Variants in E2F5 observed in about 807,000 individuals in gnomAD.
The protein encoded by E2F5 is transcription factor E2F5.
Under a neutral mutation model 39.1 loss-of-function variants are expected in E2F5, and 23 were observed. The ratio of observed to expected loss-of-function variants is 0.59; its 90% CI spans 0.42 to 0.83. The LOEUF (loss-of-function observed/expected upper bound fraction) is 0.83. Among genes scored for constraint, E2F5 ranks in the 40% least tolerant of loss-of-function variants. The probability of loss-of-function intolerance (pLI) is 0.00; values close to 1 mark genes in which losing one functional copy is unlikely to be tolerated. For missense variants in E2F5, 365 were observed against 406.7 expected (o/e 0.90, Z 0.88); for synonymous variants, 145 against 157.8 (o/e 0.92, Z 0.61).
chr8:85,182,942 A>T (rs1812251305), intron 1 of E2F5, among the ~76,000 whole-genome samples: 1 of 152,166 alleles, frequency 6.6e-6, no homozygotes, highest in East Asian at 1.9e-4. Flanking sequence ...ACATCCTGGG[A>T]TAAATAAATA....
chr8:85,195,294 A>T (rs1812557492), intron 1 of E2F5, among the ~76,000 whole-genome samples: 1 of 151,860 alleles, frequency 6.6e-6, no homozygotes, highest in African/African-American at 2.4e-5. Context: ...GAGGCAGGAG[A>T]ATTGTTTGCA....
chr8:85,204,991 G>A (rs868699328), intron 3 of E2F5, among the ~76,000 whole-genome samples: 1 of 152,174 alleles, frequency 6.6e-6, no homozygotes, highest in African/African-American at 2.4e-5. Context: ...TTTGAGACCA[G>A]CCTGGCCAAC....
At position 85,202,245 on chromosome 8, in the gene E2F5, T is replaced by C; in HGVS notation, c.333T>C (p.Ser111=). 6.2e-7 allele frequency: 1 copy of C among 1,608,090 alleles called. No individual in the cohort carries two copies. The highest frequency in any genetic ancestry group is 1.1e-5 in the South Asian group (1 of 89,782). Reference sequence around the variant, plus strand: ...TGATTGAAAAAAAGTCAAAAAACAGTATCCAGTGGAAGTAAGTTACAAACC... The same window carrying C: ...TGATTGAAAAAAAGTCAAAAAACAGCATCCAGTGGAAGTAAGTTACAAACC... ...IDLIEKKSKN[S]IQWKGVGAGC... Residue 111 remains serine, a synonymous_variant, in exon 2 of 8, where the codon AGT becomes AGC. Transcript: ENST00000416274.
chr8:85,180,522 AT>A (rs1812184891), intron 1 of E2F5, among the ~76,000 whole-genome samples: 1 of 5,660 alleles, frequency 1.8e-4, no homozygotes, highest in South Asian at 3.5e-3. Flanking sequence ...ATATATATAT[AT>A]ATATATATAT....
intron 1 of E2F5, among the ~76,000 whole-genome samples, chr8:85,199,108 G>T (rs1812639484): frequency 6.6e-6 from 1 of 152,000 alleles, no homozygotes; most frequent in African/African-American, 2.4e-5. Flanking sequence ...TCTCCTGCAT[G>T]GATTATTGCC....
chr8:85,181,130 T>G (rs1468670204), intron 1 of E2F5, among the ~76,000 whole-genome samples: 2 of 151,626 alleles, frequency 1.3e-5, no homozygotes, highest in Non-Finnish European at 2.9e-5. Context: ...CTGCCTACCT[T>G]GGTCTCCCCT....
chr8:85,187,237 A>G (rs1210136392), intron 1 of E2F5, among the ~76,000 whole-genome samples: 1 of 152,076 alleles, frequency 6.6e-6, no homozygotes, highest in Admixed American at 6.5e-5. Context: ...ATATAATCTA[A>G]CCTGGAGAAT....
At chr8:85,185,620 A>C (rs2136042238) in intron 1 of E2F5, among the ~76,000 whole-genome samples, 1 of 152,360 alleles carries the variant, frequency 6.6e-6, no homozygotes, top group South Asian at 2.1e-4. Flanking sequence ...CCCATCTGAC[A>C]AAGAGTTCAT....
At position 85,203,217 on chromosome 8, in the gene E2F5, A is replaced by G. The variant is rs770166032; in HGVS notation, c.468A>G (p.Gln156=). The change falls in exon 3 of 8, where the codon CAA becomes CAG. Residue 156 remains glutamine, a synonymous_variant. Coordinates refer to ENST00000416274, the MANE Select transcript of E2F5 (RefSeq NM_001951.4). ...ATCAGCAGAAGTTGTGGCTACAGCA[A>G]AGCATCAAAAATGTGATGGACGATT... ...ELDQQKLWLQ[Q]SIKNVMDDSI... 3 of 1,603,294 alleles carry G rather than the reference A, an allele frequency of 1.9e-6. No individual in the cohort carries two copies. The highest frequency in any genetic ancestry group is 2.6e-6 in the Non-Finnish European group (3 of 1,174,770).
chr8:85,189,528 C>A (rs1470069512), intron 1 of E2F5, among the ~76,000 whole-genome samples: 1 of 152,028 alleles, frequency 6.6e-6, no homozygotes, highest in South Asian at 2.1e-4. Context: ...AACCACCATG[C>A]CTGGGTAATT....
chr8:85,177,484 C>T lies in E2F5; in HGVS notation c.64C>T (p.Arg22Trp), dbSNP rs1301505406. 1 of 1,027,188 alleles carries T rather than the reference C, an allele frequency of 9.7e-7. No individual in the cohort carries two copies. The highest frequency in any genetic ancestry group is 1.2e-6 in the Non-Finnish European group (1 of 859,242). The allele number at this position is 1,027,188 out of a possible 1,614,324, so 63.6% of individuals were successfully genotyped here. A position where few individuals can be genotyped will look rare whatever the true frequency, so the allele number is the denominator to read the frequency against. The stretch of plus-strand genomic sequence containing the variant: ...GCCGGCAGGGCAGGGGCAGGGCCAG[C>T]GGCCGCCGCCGCAGCCTCCGCAGGC... ...QAPAGQGQGQ[R>W]PPPQPPQAQA... Residue 22 changes from arginine to tryptophan, a missense_variant, in exon 1 of 8, where the codon CGG becomes TGG. By Grantham distance (101) the Arg-to-Trp change is moderately radical (BLOSUM62 -3). Transcript: ENST00000416274.
intron 1 of E2F5, among the ~76,000 whole-genome samples, chr8:85,185,002 GA>G (rs1169272935): frequency 6.6e-6 from 1 of 152,008 alleles, no homozygotes; most frequent in Non-Finnish European, 1.5e-5. Flanking sequence ...CACAGAATTG[GA>G]AAAAACTACT....
Position 85,213,920 on chromosome 8 carries a change from TTAA to T in E2F5, c.*62_*64del. 1 of 975,086 alleles carries T rather than the reference TTAA, an allele frequency of 1.0e-6. No homozygotes were observed. Among genetic ancestry groups the T allele is most frequent in the Non-Finnish European group, 1.6e-6 (1 of 622,690 alleles). 60.4% of individuals were successfully genotyped at this position (975,086 alleles called of 1,614,324 possible). The stretch of plus-strand genomic sequence containing the variant: ...CTAACTGTGTAACATTTTAGACTTC[TTAA>T]TAACCTAAATATTTAAAATAATGAA... On this transcript the variant is annotated 3_prime_UTR_variant, in exon 8 of 8. Coordinates refer to ENST00000416274, the MANE Select transcript of E2F5 (RefSeq NM_001951.4).
At chr8:85,203,820 A>G (rs1480100415) in intron 3 of E2F5, among the ~76,000 whole-genome samples, 2 of 148,116 alleles carry the variant, frequency 1.4e-5, no homozygotes, top group East Asian at 3.9e-4. Flanking sequence ...TAATACATAT[A>G]ATATCATATA....
At chr8:85,211,881 C>T (rs4150970) in intron 6 of E2F5, among the ~76,000 whole-genome samples, 161 of 151,814 alleles carry the variant, frequency 1.1e-3, no homozygotes, top group African/African-American at 2.8e-3. Flanking sequence ...TCAAGCAATC[C>T]GTCCACCTCA....
chr8:85,202,201 G>A lies in E2F5; in HGVS notation c.289G>A (p.Val97Ile). 1 of 1,612,680 alleles carries A rather than the reference G, an allele frequency of 6.2e-7. No individual in the cohort carries two copies. The highest frequency in any genetic ancestry group is 8.5e-7 in the Non-Finnish European group (1 of 1,179,462). The part of the protein sequence containing the change: ...QKRRIYDITN[V>I]LEGIDLIEKK... ...AAGGAGAATTTATGATATCACCAAT[G>A]TCTTAGAGGGAATTGACTTGATTGA... Residue 97 changes from valine (V) to isoleucine (I), a missense_variant, in exon 2 of 8, where the codon GTC becomes ATC. Transcript: ENST00000416274.
intron 1 of E2F5, among the ~76,000 whole-genome samples, chr8:85,201,360 A>G (rs1812695505): frequency 6.6e-6 from 1 of 152,234 alleles, no homozygotes; most frequent in Admixed American, 6.5e-5. Context: ...CACATTCAAA[A>G]TAGGCTATTG....
In E2F5 at chr8:85,209,272, T is replaced by C. The variant is rs1812865741; in HGVS notation, c.746T>C (p.Leu249Pro). 1 of 1,613,986 alleles carries C rather than the reference T, an allele frequency of 6.2e-7. No individual in the cohort carries two copies. Among genetic ancestry groups the C allele is most frequent in the Non-Finnish European group, 8.5e-7 (1 of 1,179,884 alleles). Residue 249 changes from leucine (L) to proline (P), a missense_variant, in exon 6 of 8, where the codon CTC (leucine) becomes CCC (proline). Coordinates refer to ENST00000416274, the MANE Select transcript of E2F5 (RefSeq NM_001951.4). ...VVFPVPPPDD[L>P]TQPSSQSLTP... ...TTTCCTGTTCCCCCACCTGATGACC[T>C]CACACAGCCTTCCTCCCAGTCCTTG... is the stretch of plus-strand genomic sequence containing the variant.
chr8:85,198,320 T>C (rs973949277), intron 1 of E2F5, among the ~76,000 whole-genome samples: 1 of 152,132 alleles, frequency 6.6e-6, no homozygotes, highest in African/African-American at 2.4e-5. Context: ...TACTCACATG[T>C]TGAAATAGCT....
Sources: gnomAD v4.1 joint callset for allele counts (sites outside exome capture counted in the v4.1 genomes callset) on GRCh38, gnomAD v4.1.1 for gene constraint, MANE v1.5 for transcripts, NCBI Gene and HGNC (gene_info 2026-07-23, HGNC 2026-07-21) for gene names.